The following MICAL2 variants were observed in gnomAD, a reference collection of about 807,000 sequenced individuals.
The protein encoded by MICAL2 is [F-actin]-monooxygenase MICAL2.
A neutral mutation model predicts 127.3 loss-of-function variants in MICAL2; 77 were observed. The ratio of observed to expected loss-of-function variants is 0.60; its 90% CI spans 0.50 to 0.73. The LOEUF (loss-of-function observed/expected upper bound fraction) is 0.73. Among genes scored for constraint, MICAL2 ranks in the 30% least tolerant of loss-of-function variants. The pLI is 0.00. For synonymous variants in MICAL2, 570 were observed against 551.1 expected (o/e 1.03, Z -0.48); for missense variants, 1,351 against 1,434.4 (o/e 0.94, Z 0.94).
In MICAL2 at chr11:12,220,254, C is replaced by T. The variant is rs1856663088; in HGVS notation, c.1002C>T (p.Asn334=). The T allele has an allele frequency of 5.6e-6, 9 of 1,614,228 alleles. No homozygotes were observed. The highest frequency in any genetic ancestry group is 1.7e-5 in the Admixed American group (1 of 60,028). ...LLCAENVNQD[N]LLSYAREAAD... is the part of the protein sequence containing the mutation. ...GTGCGGAGAACGTGAACCAAGACAA[C>T]CTGCTATCCTATGCCCGGGAAGCTG... Residue 334 remains asparagine (N), a synonymous_variant, in exon 9 of 28, where the codon AAC becomes AAT. Coordinates refer to ENST00000683283, the MANE Select transcript of MICAL2 (RefSeq NM_001282663.2).
upstream of MICAL2, chr11:12,274,251 A>G (rs557919782): frequency 9.9e-5 from 15 of 152,262 alleles, no homozygotes; most frequent in East Asian, 7.7e-4. Context: ...AGATGAGGTC[A>G]CCTAGCTAGT....
chr11:12,244,002 A>G lies in MICAL2; in HGVS notation c.2674A>G (p.Lys892Glu). The G allele has an allele frequency of 6.2e-7, 1 of 1,613,742 alleles. No homozygotes were observed. Among genetic ancestry groups the G allele is most frequent in the African/African-American group, 1.3e-5 (1 of 74,998 alleles). The change falls in exon 21 of 28, where the codon AAA (lysine) becomes GAA (glutamate). Residue 892 changes from lysine to glutamate, a missense_variant. Physicochemically the swap from Lys to Glu is moderately conservative, Grantham distance 56. This residue lies in a region of MICAL2 where 752 missense variants were observed against 719.4 expected (regional missense o/e 1.05). Transcript: ENST00000683283. ...GDFPQNKLLS[K>E]GLSHTHPPSP... ...TTCTGTGCAGAATAAACTACTCTCTAAAGGCCTGTCTCATACTCATCCTCC... is the reference window on the plus strand; with the variant it reads ...TTCTGTGCAGAATAAACTACTCTCTGAAGGCCTGTCTCATACTCATCCTCC...
chr11:12,244,751 G>A (rs1337579839), intron 21 of MICAL2, among the ~76,000 whole-genome samples: 1 of 152,174 alleles, frequency 6.6e-6, no homozygotes. Flanking sequence ...AAGGCAGGCA[G>A]GCAGGGCTTA....
chr11:12,185,464 T>A (rs1165176955), intron 3 of MICAL2, among the ~76,000 whole-genome samples: 1 of 152,158 alleles, frequency 6.6e-6, no homozygotes, highest in African/African-American at 2.4e-5. Context: ...AAGCCACTCG[T>A]GCTTCCTTCC....
At chr11:12,269,361 C>A (rs1425612442) in intron 24 of MICAL2, among the ~76,000 whole-genome samples, 1 of 152,188 alleles carries the variant, frequency 6.6e-6, no homozygotes, top group African/African-American at 2.4e-5. Context: ...TGGCCAGACA[C>A]AGTGCCTGTA....
At chr11:12,125,644 G>T (rs1254261943) in intron 1 of MICAL2, among the ~76,000 whole-genome samples, 1 of 152,172 alleles carries the variant, frequency 6.6e-6, no homozygotes, top group Non-Finnish European at 1.5e-5. Context: ...AGAGAAGTGT[G>T]TCTAGTCTGC....
At chr11:12,120,824 G>T (rs1483657966) in intron 1 of MICAL2, among the ~76,000 whole-genome samples, 1 of 152,142 alleles carries the variant, frequency 6.6e-6, no homozygotes, top group African/African-American at 2.4e-5. Flanking sequence ...CCAGCGGACT[G>T]TGGGAAGCTG....
intron 2 of MICAL2, among the ~76,000 whole-genome samples, chr11:12,154,582 C>G (rs559943269): frequency 6.6e-6 from 1 of 152,252 alleles, no homozygotes; most frequent in Non-Finnish European, 1.5e-5. Context: ...TCTTCTCCTA[C>G]AGACACTAGA....
intron 26 of MICAL2, chr11:12,261,509 C>A (rs889453194): frequency 3.0e-6 from 3 of 985,476 alleles, no homozygotes; most frequent in Admixed American, 6.1e-5. Flanking sequence ...GCTGAACAAT[C>A]AAGGGGCCGC....
chr11:12,151,927 T>C (rs1853618140), intron 2 of MICAL2, among the ~76,000 whole-genome samples: 2 of 152,136 alleles, frequency 1.3e-5, no homozygotes, highest in South Asian at 4.1e-4. Flanking sequence ...TTGGATGCTG[T>C]TCTCATTTGA....
chr11:12,292,407 T>A, downstream of MICAL2: 1 of 1,216,198 alleles, frequency 8.2e-7, no homozygotes, highest in Non-Finnish European at 1.2e-6. Context: ...TCAACCTAAG[T>A]GCAAAGCCAG....
At position 12,166,085 on chromosome 11, in the gene MICAL2, C is replaced by T. The variant is rs535102649; in HGVS notation, c.264+3666C>T. Among the ~76,000 whole-genome samples, 135 of 152,220 alleles carry T rather than the reference C, an allele frequency of 8.9e-4. 1 individual carries two copies. Among genetic ancestry groups the T allele is most frequent in the Non-Finnish European group, 6.6e-4 (45 of 68,014 alleles). ...GACTGAGTAGTGTTACGGAGGAAAA[C>T]GACCCAGAAGAACCTGCAATATGTA... On this transcript the variant is annotated intron_variant, in intron 3 of 27. Coordinates refer to ENST00000683283, the MANE Select transcript of MICAL2 (RefSeq NM_001282663.2).
At chr11:12,148,654 C>T (rs1258708981) in intron 2 of MICAL2, among the ~76,000 whole-genome samples, 1 of 152,204 alleles carries the variant, frequency 6.6e-6, no homozygotes, top group African/African-American at 2.4e-5. Context: ...GGTTATTGAG[C>T]ACCCACCATT....
chr11:12,233,890 A>C lies in MICAL2; in HGVS notation c.1996-2287A>C, dbSNP rs553141619. On this transcript the variant is annotated intron_variant, in intron 15 of 27. Transcript: ENST00000683283. ...TATACAGATAAGAAAAAAGTAGATA[A>C]ATCTCTAGGTTTGAGTGTTCTTAAC... Among the ~76,000 whole-genome samples the C allele has an allele frequency of 3.9e-5, 6 of 152,324 alleles. No individual in the cohort carries two copies. In the South Asian group the frequency reaches 1.2e-3, roughly 32 times the overall value.
At chr11:12,288,799 G>T (rs1863858658), downstream of MICAL2, among the ~76,000 whole-genome samples, 1 of 152,194 alleles carries the variant, frequency 6.6e-6, no homozygotes, top group Admixed American at 6.5e-5. Context: ...AGACTTTGAG[G>T]GGGATTTGAG....
intron 3 of MICAL2, among the ~76,000 whole-genome samples, chr11:12,177,974 A>T (rs1201119559): frequency 6.6e-6 from 1 of 152,248 alleles, no homozygotes; most frequent in African/African-American, 2.4e-5. Context: ...CTCCAGGGTG[A>T]TAAGAGTGTC....
intron 3 of MICAL2, chr11:12,163,749 A>T (rs1013511602): frequency 6.6e-6 from 1 of 152,322 alleles, no homozygotes; most frequent in African/African-American, 2.4e-5. Context: ...ACTCCTGCCC[A>T]GTGCCTCCCT....
intron 2 of MICAL2, among the ~76,000 whole-genome samples, chr11:12,145,374 A>G (rs747079782): frequency 5.1e-4 from 77 of 152,218 alleles, no homozygotes; most frequent in Non-Finnish European, 7.8e-4. Flanking sequence ...GATGATGTTT[A>G]ATCCACATCA....
At chr11:12,311,578 T>C (rs1221501142) in intron 29 of MICAL2, among the ~76,000 whole-genome samples, 1 of 152,190 alleles carries the variant, frequency 6.6e-6, no homozygotes, top group South Asian at 2.1e-4. Context: ...ATTTTTGTAT[T>C]TTTCTTAGAG....
Sources: allele counts gnomAD v4.1 joint callset (sites outside exome capture counted in the v4.1 genomes callset), GRCh38; gene constraint gnomAD v4.1.1; regional missense constraint gnomAD v4.1.1; transcripts MANE v1.5; gene names NCBI Gene and HGNC (gene_info 2026-07-23, HGNC 2026-07-21).